The following INPP5J variants were observed in gnomAD, a reference collection of about 807,000 sequenced individuals.
The protein encoded by INPP5J is inositol polyphosphate-5-phosphatase J, also known as phosphatidylinositol 4,5-bisphosphate 5-phosphatase A.
INPP5J carries 75 observed loss-of-function variants against 86.6 expected under a neutral mutation model. The ratio of observed to expected loss-of-function variants is 0.87; its 90% CI spans 0.72 to 1.05. The LOEUF (loss-of-function observed/expected upper bound fraction) is 1.05, where lower values mean the gene tolerates loss of function less well. Among genes scored for constraint, INPP5J ranks in the 50% least tolerant of loss-of-function variants. The probability of loss-of-function intolerance (pLI) is 0.00; values close to 1 mark genes in which losing one functional copy is unlikely to be tolerated. For missense variants in INPP5J, 1,229 were observed against 1,341.2 expected, an observed-to-expected ratio of 0.92 and a Z score of 1.31; for synonymous variants, 540 against 550.0, an observed-to-expected ratio of 0.98 and a Z score of 0.25.
rs1249299074 is a variant in INPP5J at position 31,127,440 on chromosome 22, G to A, written c.1695G>A (p.Met565Ile). Reference sequence around the variant, plus strand: ...TGAACTGCCACTTGCCTGCGCATATGGACAAGGCGGAGCAGCGCAAAGACA... The same window carrying A: ...TGAACTGCCACTTGCCTGCGCATATAGACAAGGCGGAGCAGCGCAAAGACA... ...CFLNCHLPAH[M>I]DKAEQRKDNF... is the part of the protein sequence containing the mutation. The change falls in exon 6 of 13, where the codon ATG becomes ATA. Residue 565 changes from methionine (M) to isoleucine (I), a missense_variant. By Grantham distance (10) the Met-to-Ile change is conservative. Transcript: ENST00000331075. 6.2e-7 allele frequency: 1 copy of A among 1,613,902 alleles called. No homozygotes were observed. Among genetic ancestry groups the A allele is most frequent in the Admixed American group, 1.7e-5 (1 of 60,004 alleles).
At chr22:31,124,357 G>C in intron 1 of INPP5J, 10 of 938,376 alleles carry the variant, frequency 1.1e-5, no homozygotes, top group African/African-American at 3.6e-5. Context: ...GGAAGGGAGA[G>C]GTATTTAACA....
Position 31,133,788 on chromosome 22 carries a change from C to A in INPP5J, c.2514+74C>A, listed in dbSNP as rs544178870. ...AATGCCACAGCCTCTACATTCTGCT[C>A]CTTGAGTTCAGACAAATAACCTGAC... On this transcript the variant is annotated intron_variant, in intron 12 of 12. Transcript: ENST00000331075. The A allele has an allele frequency of 3.2e-6, 5 of 1,570,444 alleles. No individual in the cohort carries two copies. The Admixed American group carries it at 8.5e-5, about 27-fold the overall frequency.
intron 9 of INPP5J, among the ~76,000 whole-genome samples, chr22:31,130,294 T>G (rs1409158074): frequency 6.6e-6 from 1 of 152,188 alleles, no homozygotes; most frequent in Admixed American, 6.5e-5. Flanking sequence ...TGAGCCAGTA[T>G]CGTGCCACTG....
chr22:31,128,390 G>A, intron 8 of INPP5J, 67 bp downstream of exon 8: 1 of 1,573,472 alleles, frequency 6.4e-7, no homozygotes, highest in Admixed American at 1.8e-5. Context: ...GGAGACTTTG[G>A]GAAGAGGGGC....
intron 9 of INPP5J, among the ~76,000 whole-genome samples, chr22:31,129,416 T>C (rs1286993102): frequency 6.8e-6 from 1 of 147,406 alleles, no homozygotes; most frequent in Non-Finnish European, 1.5e-5. Flanking sequence ...AATTTTTGTA[T>C]TTTAGTAGAG....
Position 31,125,436 on chromosome 22 carries a change from A to C in INPP5J, c.697A>C (p.Thr233Pro). 1 of 1,550,650 alleles carries C rather than the reference A, an allele frequency of 6.4e-7. No individual in the cohort carries two copies. The highest frequency in any genetic ancestry group is 2.0e-5 in the Admixed American group (1 of 51,008). Reference sequence around the variant, plus strand: ...ATCAGGCGCAGCCTCTGTGGGACAGACATCAGCTAGAAAGAGGGATGCCCC... The same window carrying C: ...ATCAGGCGCAGCCTCTGTGGGACAGCCATCAGCTAGAAAGAGGGATGCCCC... ...TASGAASVGQ[T>P]SARKRDAPAP... Residue 233 changes from threonine to proline, a missense_variant, in exon 2 of 13, where the codon ACA (threonine) becomes CCA (proline). Coordinates refer to ENST00000331075, the MANE Select transcript of INPP5J (RefSeq NM_001284285.2).
intron 4 of INPP5J, 51 bp from the exon 5 acceptor site, chr22:31,126,870 A>G: frequency 2.0e-6 from 3 of 1,476,752 alleles, no homozygotes; most frequent in South Asian, 1.1e-5. Context: ...GGTGGGCGCG[A>G]GGGCGGGGGA....
chr22:31,123,081 A>C lies in INPP5J; in HGVS notation c.67A>C (p.Met23Leu). 1 of 1,485,228 alleles carries C rather than the reference A, an allele frequency of 6.7e-7. No homozygotes were observed. Among genetic ancestry groups the C allele is most frequent in the South Asian group, 1.3e-5 (1 of 75,480 alleles). 92.0% of individuals were successfully genotyped at this position (1,485,228 alleles called of 1,614,324 possible). A position where few individuals can be genotyped will look rare whatever the true frequency, so the allele number is the denominator to read the frequency against. ...GTRAGLGSLP[M>L]PQGVAQTGAP... ...CCGGGCTGGCCTGGGTTCCCTGCCC[A>C]TGCCCCAGGGTGTTGCCCAAACTGG... The change falls in exon 1 of 13, where the codon ATG (methionine) becomes CTG (leucine). Residue 23 changes from methionine (M) to leucine (L), a missense_variant. Transcript: ENST00000331075.
At chr22:31,124,253 T>C (rs1921134335) in intron 1 of INPP5J, 1 of 985,858 alleles carries the variant, frequency 1.0e-6, no homozygotes, top group Non-Finnish European at 1.2e-6. Context: ...TGAGTGGAGC[T>C]CTGGGAATGG....
rs543225569 is a variant in INPP5J at position 31,134,407 on chromosome 22, C to T, written c.3009C>T (p.Gly1003=). ...GCCATCGGGGGCTGGAGGAAGGGGGCCTGGGGCCCTGAGGGTGGGGTAGGC... is the reference window on the plus strand; with the variant it reads ...GCCATCGGGGGCTGGAGGAAGGGGGTCTGGGGCCCTGAGGGTGGGGTAGGC... ...PQGHRGLEEG[G]LGP Residue 1003 remains glycine, a synonymous_variant, in exon 13 of 13, where the codon GGC becomes GGT. Coordinates refer to ENST00000331075, the MANE Select transcript of INPP5J (RefSeq NM_001284285.2). 2.1e-6 allele frequency: 3 copies of T among 1,459,658 alleles called. No individual in the cohort carries two copies. Among genetic ancestry groups the T allele is most frequent in the East Asian group, 4.9e-5 (2 of 40,508 alleles). 90.4% of individuals were successfully genotyped at this position (1,459,658 alleles called of 1,614,324 possible).
chr22:31,134,502 C>A lies in INPP5J; in HGVS notation c.*83C>A. ...CCCACCTGCCTCTCTCCTGCTGCTC[C>A]TCCAGCTGTATCTGCACCTGCCTCT... On this transcript the variant is annotated 3_prime_UTR_variant, in exon 13 of 13. Transcript: ENST00000331075. 7.4e-7 allele frequency: 1 copy of A among 1,346,268 alleles called. No individual in the cohort carries two copies. The highest frequency in any genetic ancestry group is 9.8e-7 in the Non-Finnish European group (1 of 1,025,068). 83.4% of individuals were successfully genotyped at this position (1,346,268 alleles called of 1,614,324 possible).
chr22:31,123,170 C>G, intron 1 of INPP5J, 51 bp downstream of exon 1: 1 of 1,142,596 alleles, frequency 8.8e-7, no homozygotes, highest in South Asian at 1.8e-5. Context: ...CCTGGTTCCA[C>G]ACACCCCCCC....
At position 31,126,500 on chromosome 22, in the gene INPP5J, A is replaced by G. The variant is rs1194218638; in HGVS notation, c.1385+11A>G. The G allele has an allele frequency of 6.2e-7, 1 of 1,612,070 alleles. No homozygotes were observed. The highest frequency in any genetic ancestry group is 1.1e-5 in the South Asian group (1 of 91,030). On this transcript the variant is annotated intron_variant, in intron 3 of 12. Transcript: ENST00000331075. Reference sequence around the variant, plus strand: ...CATGATCGCCATAGGGTGAGGTGGCAGGGCATGTGGACCCCCTCCTGAGCC... The same window carrying G: ...CATGATCGCCATAGGGTGAGGTGGCGGGGCATGTGGACCCCCTCCTGAGCC...
chr22:31,129,294 G>A (rs1313150039), intron 9 of INPP5J, among the ~76,000 whole-genome samples: 1 of 143,580 alleles, frequency 7.0e-6, no homozygotes, highest in African/African-American at 2.6e-5. Context: ...AGGCTGGAGT[G>A]CAGTGGCACA....
rs1921594061 is a variant in INPP5J, at chr22:31,127,357, G to A, written c.1612G>A (p.Gly538Ser). 1 of 1,607,970 alleles carries A rather than the reference G, an allele frequency of 6.2e-7. No individual in the cohort carries two copies. The highest frequency in any genetic ancestry group is 1.3e-5 in the African/African-American group (1 of 74,872). The change falls in exon 6 of 13, where the codon GGT (glycine) becomes AGT (serine). Residue 538 changes from glycine to serine, a missense_variant and splice_region_variant. Coordinates refer to ENST00000331075, the MANE Select transcript of INPP5J (RefSeq NM_001284285.2). ...GAGCCATCCGACCCTGCCTCCCTAG[G>A]GTAACAAGGGTGGCGTGAGCGTGCG... Reference protein sequence around the residue: ...CTRTGLGGYWGNKGGVSVRLA... With the variant: ...CTRTGLGGYWSNKGGVSVRLA...
At position 31,133,895 on chromosome 22, in the gene INPP5J, G is replaced by T; in HGVS notation, c.2515-18G>T. On this transcript the variant is annotated intron_variant, in intron 12 of 12. Transcript: ENST00000331075. ...GGGTTGGGGAGCAGGGCGCCCCAGTGACCAGCATTTCCCCCAGATCTCGCT... is the reference window on the plus strand; with the variant it reads ...GGGTTGGGGAGCAGGGCGCCCCAGTTACCAGCATTTCCCCCAGATCTCGCT... The T allele has an allele frequency of 1.2e-6, 2 of 1,606,170 alleles. No homozygotes were observed. The highest frequency in any genetic ancestry group is 1.1e-5 in the South Asian group (1 of 90,572).
rs1922284018 is a variant in INPP5J, at chr22:31,133,547, C to T, written c.2410-63C>T. On this transcript the variant is annotated intron_variant, in intron 11 of 12. Transcript: ENST00000331075. ...TTGCCTTTGGGACCTCAGAACTCAC[C>T]TTGGGGGCTCTCAGGTGGCCTCCCT... is the stretch of plus-strand genomic sequence containing the variant. The T allele has an allele frequency of 2.9e-5, 46 of 1,590,074 alleles. 1 individual carries two copies. The highest frequency in any genetic ancestry group is 4.0e-5 in the Non-Finnish European group (46 of 1,160,486).
rs1280976036 is a variant in INPP5J at position 31,134,030 on chromosome 22, C to T, written c.2632C>T (p.Pro878Ser). The T allele has an allele frequency of 6.2e-7, 1 of 1,605,684 alleles. No homozygotes were observed. The highest frequency in any genetic ancestry group is 8.5e-7 in the Non-Finnish European group (1 of 1,177,008). ...TGCACCCAAGTCCCGCAGCCCCAGTCCTGGCAAGTCCAAGCGACACCGCAG... is the reference window on the plus strand; with the variant it reads ...TGCACCCAAGTCCCGCAGCCCCAGTTCTGGCAAGTCCAAGCGACACCGCAG... ...LLAPKSRSPS[P>S]GKSKRHRSRS... The change falls in exon 13 of 13, where the codon CCT (proline) becomes TCT (serine). Residue 878 changes from proline to serine, a missense_variant. Pro to Ser is a moderately conservative substitution (Grantham distance 74, BLOSUM62 -1). Coordinates refer to ENST00000331075, the MANE Select transcript of INPP5J (RefSeq NM_001284285.2).
At chr22:31,128,927 C>CTTTT (rs56761879) in intron 9 of INPP5J, among the ~76,000 whole-genome samples, 287 of 79,880 alleles carry the variant, frequency 3.6e-3, no homozygotes, top group Non-Finnish European at 4.7e-3. Flanking sequence ...CATGCCTTTT[C>CTTTT]TTTTTTTTTT....
Sources: allele counts gnomAD v4.1 joint callset (sites outside exome capture counted in the v4.1 genomes callset), GRCh38; gene constraint gnomAD v4.1.1; transcripts MANE v1.5; gene names NCBI Gene and HGNC (gene_info 2026-07-23, HGNC 2026-07-21).